ZNF517: variants seen among roughly 807,000 people sequenced by gnomAD.
ZNF517 encodes zinc finger protein 517.
ZNF517 carries 12 observed loss-of-function variants against 12.1 expected under a neutral mutation model. The observed-to-expected ratio is 0.99, with a 90% CI of 0.63 to 1.61. The LOEUF is 1.61. Among genes scored for constraint, ZNF517 ranks in the 40% most tolerant of loss-of-function variants. ZNF517 has a pLI of 0.00. For missense variants in ZNF517, 781 were observed against 693.2 expected (o/e 1.13, Z -1.42); for synonymous variants, 388 against 310.2 (o/e 1.25, Z -2.63).
intron 3 of ZNF517, 73 bp downstream of exon 3, chr8:144,803,840 T>G: frequency 1.3e-6 from 2 of 1,560,790 alleles, no homozygotes; most frequent in Non-Finnish European, 1.7e-6. Context: ...TTGGTTCCAT[T>G]GCAGATTCAA....
Position 144,802,932 on chromosome 8 carries a change from G to A in ZNF517, c.18G>A (p.Pro6=), listed in dbSNP as rs114240816. The change falls in exon 2 of 5, where the codon CCG becomes CCA. Residue 6 remains proline (P), a synonymous_variant. Transcript: ENST00000359971. MAMAL[P]MPGPQEAVVF... is the part of the protein sequence containing the mutation. ...ACCCTGGAATGGCGATGGCACTCCC[G>A]ATGCCTGGACCTCAGGTGAGCACCC... 1.8e-5 allele frequency: 29 copies of A among 1,613,830 alleles called. No homozygotes were observed. Among genetic ancestry groups the A allele is most frequent in the African/African-American group, 1.7e-4 (13 of 75,008 alleles).
At position 144,808,889 on chromosome 8, in the gene ZNF517, C is replaced by G. The variant is rs980870254; in HGVS notation, c.*494C>G. The G allele has an allele frequency of 6.5e-6, 1 of 153,008 alleles. No homozygotes were observed. Among genetic ancestry groups the G allele is most frequent in the African/African-American group, 2.4e-5 (1 of 41,490 alleles). The allele number at this position is 153,008 out of a possible 1,614,324, so 9.5% of individuals were successfully genotyped here. On this transcript the variant is annotated 3_prime_UTR_variant, in exon 5 of 5. Coordinates refer to ENST00000359971, the MANE Select transcript of ZNF517 (RefSeq NM_213605.3). ...GGCTGCCATGTCTCCTGCCTGTAATCCCATCACTTTGGGAGGCTGAGGTGG... is the reference window on the plus strand; with the variant it reads ...GGCTGCCATGTCTCCTGCCTGTAATGCCATCACTTTGGGAGGCTGAGGTGG...
chr8:144,803,687 A>C lies in ZNF517; in HGVS notation c.80A>C (p.Glu27Ala). Residue 27 changes from glutamate to alanine, a missense_variant, in exon 3 of 5, where the codon GAG (glutamate) becomes GCG (alanine). Transcript: ENST00000359971. The stretch of plus-strand genomic sequence containing the variant: ...GTGGCTGTGTACTTCACAAGGATAG[A>C]GTGGAGTTGCCTGGCCCCCGACCAG... ...EDVAVYFTRI[E>A]WSCLAPDQQA... 6.2e-7 allele frequency: 1 copy of C among 1,614,114 alleles called. No homozygotes were observed. Among genetic ancestry groups the C allele is most frequent in the Non-Finnish European group, 8.5e-7 (1 of 1,180,004 alleles).
At position 144,807,234 on chromosome 8, in the gene ZNF517, A is replaced by G; in HGVS notation, c.318A>G (p.Arg106=). The change falls in exon 5 of 5, where the codon AGA becomes AGG. Residue 106 remains arginine (R), a synonymous_variant. Coordinates refer to ENST00000359971, the MANE Select transcript of ZNF517 (RefSeq NM_213605.3). ...GGATCATGGAGTCTCCTCTGCAGAG[A>G]AAGCTCTCCAGGCAGGCAGGACTGC... The part of the protein sequence containing the change: ...EAGIMESPLQ[R]KLSRQAGLPG... 6.5e-7 allele frequency: 1 copy of G among 1,546,826 alleles called. No homozygotes were observed. The highest frequency in any genetic ancestry group is 8.7e-7 in the Non-Finnish European group (1 of 1,150,578).
chr8:144,808,472 C>A lies in ZNF517; in HGVS notation c.*77C>A, dbSNP rs780825066. 7.8e-6 allele frequency: 11 copies of A among 1,404,300 alleles called. No individual in the cohort carries two copies. Among genetic ancestry groups the A allele is most frequent in the Non-Finnish European group, 1.0e-5 (11 of 1,079,402 alleles). The allele number at this position is 1,404,300 out of a possible 1,614,324, so 87.0% of individuals were successfully genotyped here. Reference sequence around the variant, plus strand: ...GGGGCCCTAGCGCAGAAATTCAGAACCCCCTGTCCTGAAGGTGAAGCAAAG... The same window carrying A: ...GGGGCCCTAGCGCAGAAATTCAGAAACCCCTGTCCTGAAGGTGAAGCAAAG... On this transcript the variant is annotated 3_prime_UTR_variant, in exon 5 of 5. Coordinates refer to ENST00000359971, the MANE Select transcript of ZNF517 (RefSeq NM_213605.3).
intron 1 of ZNF517, chr8:144,800,724 ATCTG>A (rs1453221856): frequency 3.1e-6 from 3 of 982,564 alleles, no homozygotes; most frequent in East Asian, 1.1e-4. Context: ...TGATTCACGA[ATCTG>A]TCTGATCCAC....
chr8:144,803,837 C>A, intron 3 of ZNF517, 70 bp downstream of exon 3: 1 of 1,563,042 alleles, frequency 6.4e-7, no homozygotes, highest in Non-Finnish European at 8.7e-7. Flanking sequence ...AAGTTGGTTC[C>A]ATTGCAGATT....
intron 2 of ZNF517, 38 bp from the exon 3 acceptor site, chr8:144,803,603 G>A: frequency 6.2e-7 from 1 of 1,612,224 alleles, no homozygotes; most frequent in Non-Finnish European, 8.5e-7. Flanking sequence ...TTCTCACCGA[G>A]CCCTTGACTG....
Position 144,808,639 on chromosome 8 carries a change from T to C in ZNF517, c.*244T>C. 2.2e-6 allele frequency: 1 copy of C among 450,048 alleles called. No homozygotes were observed. The allele number at this position is 450,048 out of a possible 1,614,324, so 27.9% of individuals were successfully genotyped here. A position where few individuals can be genotyped will look rare whatever the true frequency, so the allele number is the denominator to read the frequency against. On this transcript the variant is annotated 3_prime_UTR_variant, in exon 5 of 5. Transcript: ENST00000359971. ...CATTTCCTGGGGCCTTCCGGAAATGTCCAGGAGCGGGCAGAAGGGAGAGAG... is the reference window on the plus strand; with the variant it reads ...CATTTCCTGGGGCCTTCCGGAAATGCCCAGGAGCGGGCAGAAGGGAGAGAG...
At position 144,808,639 on chromosome 8, in the gene ZNF517, T is replaced by G; in HGVS notation, c.*244T>G. 2.2e-6 allele frequency: 1 copy of G among 450,048 alleles called. No individual in the cohort carries two copies. 27.9% of individuals were successfully genotyped at this position (450,048 alleles called of 1,614,324 possible). Reference sequence around the variant, plus strand: ...CATTTCCTGGGGCCTTCCGGAAATGTCCAGGAGCGGGCAGAAGGGAGAGAG... The same window carrying G: ...CATTTCCTGGGGCCTTCCGGAAATGGCCAGGAGCGGGCAGAAGGGAGAGAG... On this transcript the variant is annotated 3_prime_UTR_variant, in exon 5 of 5. Coordinates refer to ENST00000359971, the MANE Select transcript of ZNF517 (RefSeq NM_213605.3).
At chr8:144,803,004 A>G in intron 2 of ZNF517, 57 bp downstream of exon 2, 4 of 1,607,996 alleles carry the variant, frequency 2.5e-6, no homozygotes, top group Non-Finnish European at 3.4e-6. Context: ...CCCTAGCCTC[A>G]GCTTTTCAGC....
At chr8:144,799,073 C>T (rs1357102149) in intron 1 of ZNF517, 136 bp downstream of exon 1, 2 of 152,212 alleles carry the variant, frequency 1.3e-5, no homozygotes, top group Non-Finnish European at 2.9e-5. Flanking sequence ...ACTGTCGCCT[C>T]CGCTCGCCTT....
chr8:144,804,298 C>A, intron 4 of ZNF517, 60 bp downstream of exon 4: 1 of 1,329,498 alleles, frequency 7.5e-7, no homozygotes, highest in Non-Finnish European at 1.0e-6. Flanking sequence ...GGCCTCCGGG[C>A]AGCTCTGCAG....
chr8:144,803,755 C>T lies in ZNF517; in HGVS notation c.148C>T (p.Leu50=), dbSNP rs1235582215. Residue 50 remains leucine (L), a synonymous_variant, in exon 3 of 5, where the codon CTG becomes TTG. Coordinates refer to ENST00000359971, the MANE Select transcript of ZNF517 (RefSeq NM_213605.3). ...RDVMLENYGN[L]ASLGFLVAKP... ...CGTGATGCTGGAGAACTATGGGAAC[C>T]TGGCCTCACTAGGTGAGGGCTTCTG... is the stretch of plus-strand genomic sequence containing the variant. 1 of 1,613,922 alleles carries T rather than the reference C, an allele frequency of 6.2e-7. No homozygotes were observed. Among genetic ancestry groups the T allele is most frequent in the African/African-American group, 1.3e-5 (1 of 74,946 alleles).
chr8:144,808,279 C>T lies in ZNF517; in HGVS notation c.1363C>T (p.Arg455Cys), dbSNP rs906386686. The change falls in exon 5 of 5, where the codon CGC becomes TGC. Residue 455 changes from arginine to cysteine, a missense_variant. Transcript: ENST00000359971. ...LHSGERPYRC[R>C]ACGRACSRLS... ...CAGCGGCGAGAGGCCATACCGGTGC[C>T]GCGCCTGCGGGAGGGCCTGCAGCCG... 3 of 1,566,030 alleles carry T rather than the reference C, an allele frequency of 1.9e-6. No individual in the cohort carries two copies. The highest frequency in any genetic ancestry group is 1.4e-5 in the African/African-American group (1 of 73,570).
rs767724475 is a variant in ZNF517, at chr8:144,810,074, C to G, written c.*1679C>G. 1.8e-6 allele frequency: 1 copy of G among 545,880 alleles called. No individual in the cohort carries two copies. Among genetic ancestry groups the G allele is most frequent in the South Asian group, 2.3e-5 (1 of 43,640 alleles). The allele number at this position is 545,880 out of a possible 1,614,324, so 33.8% of individuals were successfully genotyped here. On this transcript the variant is annotated 3_prime_UTR_variant, in exon 5 of 5. Transcript: ENST00000359971. ...TCTCAAACAAATAAAAATCCCCTCT[C>G]CTAAACTCCATTATTGGTTTTGTCT...
downstream of ZNF517, chr8:144,810,248 C>T (rs946506732): frequency 4.5e-6 from 3 of 660,588 alleles, no homozygotes; most frequent in Non-Finnish European, 8.3e-6. Flanking sequence ...ACCCTGTCAC[C>T]CCTAACAGAT....
rs745426670 is a variant in ZNF517 at position 144,808,131 on chromosome 8, C to T, written c.1215C>T (p.Phe405=). 2 of 1,612,376 alleles carry T rather than the reference C, an allele frequency of 1.2e-6. No individual in the cohort carries two copies. The highest frequency in any genetic ancestry group is 1.1e-5 in the South Asian group (1 of 91,006). Residue 405 remains phenylalanine, a synonymous_variant, in exon 5 of 5, where the codon TTC becomes TTT. Transcript: ENST00000359971. ...PFECAECGKA[F]GRKSNLTLHQ... ...AGTGCGCGGAGTGCGGCAAGGCCTT[C>T]GGTCGCAAGTCCAACCTCACTCTGC... is the stretch of plus-strand genomic sequence containing the variant.
Position 144,807,630 on chromosome 8 carries a change from C to A in ZNF517, c.714C>A (p.Cys238Ter). Residue 238 changes from cysteine (C) to a stop codon, truncating the protein, a stop_gained, in exon 5 of 5, where the codon TGC becomes TGA. Transcript: ENST00000359971. LOFTEE classifies it low-confidence loss of function (END_TRUNC). ...TEEKPFQCGE[C>*]GKAFRQSTQL... is the part of the protein sequence containing the mutation. ...AGAAGCCGTTCCAGTGCGGCGAGTG[C>A]GGGAAGGCCTTCCGGCAGAGCACGC... The A allele has an allele frequency of 6.2e-7, 1 of 1,609,962 alleles. No individual in the cohort carries two copies. Among genetic ancestry groups the A allele is most frequent in the Non-Finnish European group, 8.5e-7 (1 of 1,179,048 alleles).
Sources: gnomAD v4.1 joint callset for allele counts on GRCh38, gnomAD v4.1.1 for gene constraint, MANE v1.5 for transcripts, NCBI Gene and HGNC (gene_info 2026-07-23, HGNC 2026-07-21) for gene names.